The following HIPK2 variants were observed in gnomAD, a reference collection of about 807,000 sequenced individuals.
HIPK2 encodes the protein homeodomain-interacting protein kinase 2.
In HIPK2, 27 loss-of-function variants were observed where a neutral mutation model predicts 113.7. That is an observed-to-expected ratio of 0.24 (90% CI 0.17 to 0.33). The LOEUF (loss-of-function observed/expected upper bound fraction) is 0.33. Ranked by LOEUF, HIPK2 falls within the 10% of genes least tolerant of loss-of-function variation. HIPK2 has a pLI of 1.00. For missense variants in HIPK2, 1,257 were observed against 1,588.0 expected (o/e 0.79, Z 3.54); for synonymous variants, 631 against 642.2 (o/e 0.98, Z 0.26).
At chr7:139,661,187 C>G (rs1801856437) in intron 2 of HIPK2, among the ~76,000 whole-genome samples, 1 of 152,176 alleles carries the variant, frequency 6.6e-6, no homozygotes, top group Admixed American at 6.5e-5. Flanking sequence ...CCAGCTCCTG[C>G]AAGCTGGTAT....
chr7:139,708,424 T>C (rs1344319654), intron 2 of HIPK2, among the ~76,000 whole-genome samples: 1 of 152,136 alleles, frequency 6.6e-6, no homozygotes, highest in Non-Finnish European at 1.5e-5. Flanking sequence ...GCATGTCACC[T>C]GGCCCCCCAC....
intron 1 of HIPK2, among the ~76,000 whole-genome samples, chr7:139,754,932 T>C (rs1435309478): frequency 6.6e-6 from 1 of 152,194 alleles, no homozygotes; most frequent in Non-Finnish European, 1.5e-5. Flanking sequence ...GGATGGTTCA[T>C]ACGGATGATA....
At chr7:139,595,490 GCCTGGACCTTTGA>G (rs1351597639) in intron 12 of HIPK2, among the ~76,000 whole-genome samples, 1 of 152,186 alleles carries the variant, frequency 6.6e-6, no homozygotes, top group Non-Finnish European at 1.5e-5. Context: ...TCAGTGCTAT[GCCTGGACCTTTGA>G]CCTGGGTCCC....
intron 2 of HIPK2, among the ~76,000 whole-genome samples, chr7:139,632,870 G>A (rs981713889): frequency 2.1e-4 from 32 of 152,010 alleles, no homozygotes; most frequent in Admixed American, 2.1e-3. Context: ...TTGAACCCAG[G>A]AGTTCAAGAG....
At chr7:139,585,596 T>C (rs1798808784) in intron 12 of HIPK2, among the ~76,000 whole-genome samples, 1 of 152,234 alleles carries the variant, frequency 6.6e-6, no homozygotes, top group East Asian at 1.9e-4. Flanking sequence ...CTCTCAGTGA[T>C]TCAGTGGCCT....
At position 139,631,333 on chromosome 7, in the gene HIPK2, A is replaced by G. The variant is rs1319547611; in HGVS notation, c.1228-49T>C. On this transcript the variant is annotated intron_variant, in intron 3 of 14. Coordinates refer to ENST00000406875, the MANE Select transcript of HIPK2 (RefSeq NM_022740.5). This position sits in a 1 kb window ranked among gnomAD's most constrained non-coding sequence, Gnocchi z 4.9. ...GTCAGGGCTTTTCCTGTCACTATACATATGGTATACTAATGGCTCTGCTGG... is the reference window on the plus strand; with the variant it reads ...GTCAGGGCTTTTCCTGTCACTATACGTATGGTATACTAATGGCTCTGCTGG... 2 of 1,570,946 alleles carry G rather than the reference A, an allele frequency of 1.3e-6. No individual in the cohort carries two copies. Among genetic ancestry groups the G allele is most frequent in the Admixed American group, 1.9e-5 (1 of 53,344 alleles).
At chr7:139,624,707 A>G (rs1800364329) in intron 6 of HIPK2, among the ~76,000 whole-genome samples, 1 of 152,094 alleles carries the variant, frequency 6.6e-6, no homozygotes, top group Non-Finnish European at 1.5e-5. Context: ...AAAGTCTCCA[A>G]TAGACATCAT....
At chr7:139,638,850 G>T (rs752410956) in intron 2 of HIPK2, among the ~76,000 whole-genome samples, 1 of 152,004 alleles carries the variant, frequency 6.6e-6, no homozygotes, top group Non-Finnish European at 1.5e-5. Context: ...GTAAAGACGC[G>T]GTTTCACCAT....
At chr7:139,656,530 C>T (rs1029540867) in intron 2 of HIPK2, among the ~76,000 whole-genome samples, 1 of 152,226 alleles carries the variant, frequency 6.6e-6, no homozygotes, top group African/African-American at 2.4e-5. Context: ...TGGCTAGTTT[C>T]TCTGCCTCTA....
At chr7:139,691,942 T>C (rs540756291) in intron 2 of HIPK2, among the ~76,000 whole-genome samples, 2 of 152,352 alleles carry the variant, frequency 1.3e-5, no homozygotes, top group East Asian at 3.9e-4. Flanking sequence ...ATACGTGGTA[T>C]ACTTATTTCT....
intron 1 of HIPK2, among the ~76,000 whole-genome samples, chr7:139,756,647 A>T (rs761382665): frequency 6.6e-6 from 1 of 151,982 alleles, no homozygotes; most frequent in Non-Finnish European, 1.5e-5. Flanking sequence ...CTGGTCTCAA[A>T]CTCCTGACTT....
chr7:139,754,714 A>G (rs1032759574), intron 1 of HIPK2, among the ~76,000 whole-genome samples: 2 of 152,232 alleles, frequency 1.3e-5, no homozygotes, highest in African/African-American at 4.8e-5. Context: ...CTTTACATAG[A>G]TCACTGAGGA....
chr7:139,592,382 G>A (rs1799056480), intron 12 of HIPK2, among the ~76,000 whole-genome samples: 1 of 152,184 alleles, frequency 6.6e-6, no homozygotes. Context: ...GAATAATGGA[G>A]CTGGACAAAA....
At chr7:139,766,011 T>C (rs79897474) in intron 1 of HIPK2, among the ~76,000 whole-genome samples, 169 of 152,360 alleles carry the variant, frequency 1.1e-3, no homozygotes, top group African/African-American at 3.7e-3. Flanking sequence ...ACAAAGACCA[T>C]TGATACTTGG....
chr7:139,775,330 G>A (rs1796721809), intron 1 of HIPK2, among the ~76,000 whole-genome samples: 1 of 152,208 alleles, frequency 6.6e-6, no homozygotes, highest in African/African-American at 2.4e-5. Context: ...TCATCACAGT[G>A]AGTGAATGCG....
intron 12 of HIPK2, among the ~76,000 whole-genome samples, chr7:139,587,084 T>C (rs1023843196): frequency 6.6e-6 from 1 of 152,104 alleles, no homozygotes; most frequent in Non-Finnish European, 1.5e-5. Flanking sequence ...ATGGTTGAAA[T>C]GGCAAATTTT....
chr7:139,744,868 G>GA (rs1334016625), intron 1 of HIPK2, among the ~76,000 whole-genome samples: 1 of 152,168 alleles, frequency 6.6e-6, no homozygotes, highest in Non-Finnish European at 1.5e-5. Context: ...GGTTCCTCTG[G>GA]AAAAAAGATC....
intron 2 of HIPK2, among the ~76,000 whole-genome samples, chr7:139,670,083 C>A (rs1802208241): frequency 2.0e-5 from 3 of 152,134 alleles, no homozygotes; most frequent in Admixed American, 1.3e-4. Context: ...GGAGGTTTGG[C>A]AAGTGAGACA....
At chr7:139,689,306 A>G (rs1396064304) in intron 2 of HIPK2, among the ~76,000 whole-genome samples, 1 of 152,216 alleles carries the variant, frequency 6.6e-6, no homozygotes, top group African/African-American at 2.4e-5. Flanking sequence ...TTCAATCATC[A>G]CAATGAAGCC....
Sources: gnomAD v4.1 joint callset for allele counts (sites outside exome capture counted in the v4.1 genomes callset) on GRCh38, gnomAD v4.1.1 for gene constraint, Gnocchi (gnomAD v3.1) non-coding constraint, MANE v1.5 for transcripts, NCBI Gene and HGNC (gene_info 2026-07-23, HGNC 2026-07-21) for gene names.